Variants in PLEKHA8 observed in about 807,000 individuals in gnomAD.
PLEKHA8 encodes the protein pleckstrin homology domain-containing family A member 8.
PLEKHA8 carries 36 observed loss-of-function variants against 68.2 expected under a neutral mutation model. That is an observed-to-expected ratio of 0.53 (90% CI 0.40 to 0.70). PLEKHA8 has a LOEUF of 0.70. Ranked by LOEUF, PLEKHA8 falls within the 30% of genes least tolerant of loss-of-function variation. The pLI is 0.00. For synonymous variants in PLEKHA8, 211 were observed against 216.1 expected (o/e 0.98, Z 0.20); for missense variants, 505 against 615.4 (o/e 0.82, Z 1.90).
intron 6 of PLEKHA8, chr7:30,050,731 A>G (rs1792341190): frequency 3.0e-6 from 1 of 337,164 alleles, no homozygotes; most frequent in African/African-American, 2.1e-5. Context: ...GTAACTTTTA[A>G]TCTCTCTAGG....
At chr7:30,056,830 T>TTA (rs970219970) in intron 9 of PLEKHA8, among the ~76,000 whole-genome samples, 5 of 145,648 alleles carry the variant, frequency 3.4e-5, no homozygotes, top group Admixed American at 7.0e-5. Flanking sequence ...TATATATATG[T>TTA]TATATATATA....
intron 12 of PLEKHA8, among the ~76,000 whole-genome samples, chr7:30,067,855 T>C (rs1252005341): frequency 6.6e-6 from 1 of 152,252 alleles, no homozygotes; most frequent in Non-Finnish European, 1.5e-5. Flanking sequence ...TAGACCATGG[T>C]TTCGAAAAAC....
intron 13 of PLEKHA8, among the ~76,000 whole-genome samples, chr7:30,123,190 T>G (rs1221704988): frequency 6.6e-6 from 1 of 152,254 alleles, no homozygotes; most frequent in Non-Finnish European, 1.5e-5. Flanking sequence ...TGTAGACATT[T>G]AGATCTGAAA....
intron 13 of PLEKHA8, among the ~76,000 whole-genome samples, chr7:30,096,637 C>G (rs927672611): frequency 6.6e-6 from 1 of 152,154 alleles, no homozygotes; most frequent in African/African-American, 2.4e-5. Context: ...TTATCTGAGA[C>G]TAGGATTGCA....
chr7:30,091,238 G>A (rs976943875), downstream of PLEKHA8, among the ~76,000 whole-genome samples: 4 of 151,778 alleles, frequency 2.6e-5, no homozygotes, highest in Non-Finnish European at 5.9e-5. Context: ...ATTTTTAGGT[G>A]GGTATTGATT....
At chr7:30,042,105 A>C (rs1171668435) in intron 1 of PLEKHA8, among the ~76,000 whole-genome samples, 1 of 152,168 alleles carries the variant, frequency 6.6e-6, no homozygotes, top group Non-Finnish European at 1.5e-5. Context: ...ACTGAGTAAC[A>C]GAGAATTCCT....
chr7:30,050,775 A>T (rs144830413), intron 6 of PLEKHA8: 12 of 196,276 alleles, frequency 6.1e-5, no homozygotes, highest in Non-Finnish European at 1.2e-4. Context: ...CTTGTAGAGG[A>T]AACTTCTCTC....
At chr7:30,117,029 C>T (rs1202375304) in intron 13 of PLEKHA8, among the ~76,000 whole-genome samples, 3 of 152,194 alleles carry the variant, frequency 2.0e-5, no homozygotes, top group Non-Finnish European at 4.4e-5. Flanking sequence ...AACTTTGTCA[C>T]CGCCTTTCCG....
rs1794928291 is a variant in PLEKHA8, at chr7:30,081,501, G to A, written c.*2714G>A. 1 of 985,128 alleles carries A rather than the reference G, an allele frequency of 1.0e-6. No homozygotes were observed. The highest frequency in any genetic ancestry group is 1.7e-5 in the African/African-American group (1 of 57,220). 61.0% of individuals were successfully genotyped at this position (985,128 alleles called of 1,614,324 possible). A position where few individuals can be genotyped will look rare whatever the true frequency, so the allele number is the denominator to read the frequency against. On this transcript the variant is annotated 3_prime_UTR_variant, in exon 14 of 14. Transcript: ENST00000449726. ...TTAAAGTCATAATTTGCGCTGATGT[G>A]TAATCACTTTCCAAGAAGAGGGCAA...
At chr7:30,053,811 A>G (rs1371618474) in intron 7 of PLEKHA8, among the ~76,000 whole-genome samples, 1 of 152,236 alleles carries the variant, frequency 6.6e-6, no homozygotes, top group Non-Finnish European at 1.5e-5. Context: ...AAATTAGCAA[A>G]TACTAAACTC....
At chr7:30,115,806 A>G (rs1264711021) in intron 13 of PLEKHA8, 1 of 138,084 alleles carries the variant, frequency 7.2e-6, no homozygotes, top group Non-Finnish European at 1.6e-5. Context: ...ACATGTATAC[A>G]CGCATGCATG....
At chr7:30,068,254 T>C (rs2127992261) in intron 12 of PLEKHA8, among the ~76,000 whole-genome samples, 1 of 152,366 alleles carries the variant, frequency 6.6e-6, no homozygotes, top group African/African-American at 2.4e-5. Context: ...ACACTGGGAA[T>C]TGCTGCTGTA....
intron 13 of PLEKHA8, among the ~76,000 whole-genome samples, chr7:30,075,556 T>C (rs1794558400): frequency 6.6e-6 from 1 of 152,324 alleles, no homozygotes; most frequent in Non-Finnish European, 1.5e-5. Flanking sequence ...GTGCTAGTGC[T>C]TACCTCCATT....
chr7:30,109,116 C>G (rs1436220251), intron 13 of PLEKHA8, among the ~76,000 whole-genome samples: 2 of 151,904 alleles, frequency 1.3e-5, no homozygotes, highest in Non-Finnish European at 2.9e-5. Context: ...TCTAATTGTT[C>G]ACTCTCTCTC....
intron 12 of PLEKHA8, among the ~76,000 whole-genome samples, chr7:30,066,311 A>G (rs1180694244): frequency 6.6e-6 from 1 of 152,222 alleles, no homozygotes; most frequent in Non-Finnish European, 1.5e-5. Flanking sequence ...AACATTGTAG[A>G]AGCCTTGTCT....
At chr7:30,104,357 C>G (rs927586920) in intron 13 of PLEKHA8, among the ~76,000 whole-genome samples, 20 of 152,120 alleles carry the variant, frequency 1.3e-4, no homozygotes, top group African/African-American at 4.6e-4. Flanking sequence ...CATAATAGCC[C>G]CAATGACCCA....
chr7:30,114,930 T>A (rs1195517735), intron 13 of PLEKHA8, among the ~76,000 whole-genome samples: 1 of 152,188 alleles, frequency 6.6e-6, no homozygotes, highest in African/African-American at 2.4e-5. Flanking sequence ...TTTTTCCCCA[T>A]CCAGACAGAG....
chr7:30,107,916 G>A (rs6958951), intron 13 of PLEKHA8, among the ~76,000 whole-genome samples: 42,049 of 151,444 alleles, frequency 0.28, 6,314 homozygotes, highest in African/African-American at 0.39. Flanking sequence ...TAAAGATACA[G>A]AAATTAGCTG....
At chr7:30,042,039 T>G (rs1791580862) in intron 1 of PLEKHA8, among the ~76,000 whole-genome samples, 1 of 152,224 alleles carries the variant, frequency 6.6e-6, no homozygotes, top group Admixed American at 6.5e-5. Flanking sequence ...TAGATTGCCC[T>G]TCCTAATGTG....
Sources: allele counts gnomAD v4.1 joint callset (sites outside exome capture counted in the v4.1 genomes callset), GRCh38; gene constraint gnomAD v4.1.1; transcripts MANE v1.5; gene names NCBI Gene and HGNC (gene_info 2026-07-23, HGNC 2026-07-21).